Variants in SDK2 observed in about 807,000 individuals in gnomAD.
SDK2 encodes sidekick cell adhesion molecule 2.
SDK2 carries 105 observed loss-of-function variants against 253.9 expected under a neutral mutation model. The ratio of observed to expected loss-of-function variants is 0.41; its 90% CI spans 0.35 to 0.49. The LOEUF is 0.49. Ranked by LOEUF, SDK2 falls within the 20% of genes least tolerant of loss-of-function variation. The probability of loss-of-function intolerance (pLI) is 0.06; values close to 1 mark genes in which losing one functional copy is unlikely to be tolerated. For missense variants in SDK2, 2,608 were observed against 3,003.0 expected (o/e 0.87, Z 3.07); for synonymous variants, 1,249 against 1,234.9 (o/e 1.01, Z -0.24).
At chr17:73,412,013 G>C (rs1203479068) in intron 18 of SDK2, among the ~76,000 whole-genome samples, 2,703 of 86,992 alleles carry the variant, frequency 0.031, 193 homozygotes, top group African/African-American at 0.1. Flanking sequence ...TATATATGTA[G>C]ATATACGTAT....
At position 73,393,671 on chromosome 17, in the gene SDK2, G is replaced by C; in HGVS notation, c.3787C>G (p.Leu1263Val). Residue 1263 changes from leucine (L) to valine (V), a missense_variant, in exon 27 of 45, where the codon CTC (leucine) becomes GTC (valine). By Grantham distance (32) the Leu-to-Val change is conservative. Transcript: ENST00000392650. ...AGCACGTATTTGCCCAAGCCGGTGA[G>C]CTGGGCACTGCGAGACGAGTTGCCT... is the stretch of plus-strand genomic sequence containing the variant. Reference protein sequence around the residue: ...VEGNSSRSAQLTGLGKYVLYE... With the variant: ...VEGNSSRSAQVTGLGKYVLYE... The C allele has an allele frequency of 6.3e-7, 1 of 1,599,300 alleles. No individual in the cohort carries two copies. The highest frequency in any genetic ancestry group is 8.6e-7 in the Non-Finnish European group (1 of 1,168,862).
chr17:73,549,420 C>T (rs924755909), intron 1 of SDK2, among the ~76,000 whole-genome samples: 5 of 152,144 alleles, frequency 3.3e-5, no homozygotes, highest in East Asian at 1.9e-4. Flanking sequence ...TGATTTGATC[C>T]GTCATCCATT....
intron 15 of SDK2, among the ~76,000 whole-genome samples, chr17:73,419,731 A>G (rs1335652796): frequency 2.4e-4 from 4 of 16,712 alleles, no homozygotes; most frequent in Non-Finnish European, 9.3e-4. Context: ...AAAAAAACCC[A>G]AAAAAACTCC....
At chr17:73,575,826 G>A (rs1468243794) in intron 1 of SDK2, among the ~76,000 whole-genome samples, 3 of 152,326 alleles carry the variant, frequency 2.0e-5, no homozygotes, top group South Asian at 2.1e-4. Context: ...AGAGGAAGAC[G>A]AACAAAAGCT....
At position 73,380,965 on chromosome 17, in the gene SDK2, TGCCGGG is replaced by T; in HGVS notation, c.4706-21_4706-16del. ...GGAGTACATGGCTATGGGGTGGGGGTGCCGGGGCGGGGGCGCAGAGGGAGACAGCAG... is the reference window on the plus strand; with the variant it reads ...GGAGTACATGGCTATGGGGTGGGGGTGCGGGGGCGCAGAGGGAGACAGCAG... On this transcript the variant is annotated splice_polypyrimidine_tract_variant and intron_variant, in intron 33 of 44. Transcript: ENST00000392650. 3.2e-6 allele frequency: 2 copies of T among 623,456 alleles called. No individual in the cohort carries two copies. Among genetic ancestry groups the T allele is most frequent in the Non-Finnish European group, 5.7e-6 (2 of 353,034 alleles). The allele number at this position is 623,456 out of a possible 1,614,324, so 38.6% of individuals were successfully genotyped here. A position where few individuals can be genotyped will look rare whatever the true frequency, so the allele number is the denominator to read the frequency against.
At chr17:73,516,849 T>G (rs542861633) in intron 1 of SDK2, 48 of 152,358 alleles carry the variant, frequency 3.2e-4, no homozygotes, top group African/African-American at 1.0e-3. Context: ...GGATCATCAA[T>G]TTGTTTGAAT....
chr17:73,493,915 C>T (rs1404339967), intron 2 of SDK2, among the ~76,000 whole-genome samples: 1 of 152,176 alleles, frequency 6.6e-6, no homozygotes, highest in Non-Finnish European at 1.5e-5. Context: ...ACCTACAGCT[C>T]TCTGTGGGCT....
Position 73,467,117 on chromosome 17 carries a change from C to T in SDK2, c.331+4995G>A, listed in dbSNP as rs2063607124. Among the ~76,000 whole-genome samples the T allele has an allele frequency of 6.6e-6, 1 of 152,110 alleles. No homozygotes were observed. The highest frequency in any genetic ancestry group is 2.4e-5 in the African/African-American group (1 of 41,432). Reference sequence around the variant, plus strand: ...GAGTCTACCCCACCCCACCCGCTGGCACTAGACATTCACCCTAGGTGGGAG... The same window carrying T: ...GAGTCTACCCCACCCCACCCGCTGGTACTAGACATTCACCCTAGGTGGGAG... On this transcript the variant is annotated intron_variant, in intron 3 of 44. Transcript: ENST00000392650. The surrounding 1 kb of genome is among the most constrained non-coding windows in gnomAD (Gnocchi z 4.1).
intron 36 of SDK2, among the ~76,000 whole-genome samples, chr17:73,376,093 C>T (rs1476909530): frequency 2.7e-5 from 4 of 150,676 alleles, no homozygotes; most frequent in Non-Finnish European, 4.4e-5. Context: ...ACTTGGGAGG[C>T]GGAGGAAGGA....
chr17:73,570,765 AG>A lies in SDK2; in HGVS notation c.65-63169del, dbSNP rs1355330423. On this transcript the variant is annotated intron_variant, in intron 1 of 44. Transcript: ENST00000392650. This position sits in a 1 kb window ranked among gnomAD's most constrained non-coding sequence, Gnocchi z 4.2. ...AGTCTCTAACACCGGAGCCCTTTGG[AG>A]GGGCCCTCTTCTACCCATTCCTGTG... Among the ~76,000 whole-genome samples, 1 of 152,158 alleles carries A rather than the reference AG, an allele frequency of 6.6e-6. No homozygotes were observed. The highest frequency in any genetic ancestry group is 2.4e-5 in the African/African-American group (1 of 41,446).
In SDK2 at chr17:73,394,301, C is replaced by T. The variant is rs2062953046; in HGVS notation, c.3616G>A (p.Val1206Met). Reference sequence around the variant, plus strand: ...CTGGAGGTGGTGGCCAGTGCAGACACATTGGTGGGGCCGGAAGAGGGAACT... The same window carrying T: ...CTGGAGGTGGTGGCCAGTGCAGACATATTGGTGGGGCCGGAAGAGGGAACT... ...ESVPSSGPTN[V>M]SALATTSSSM... The change falls in exon 26 of 45, where the codon GTG becomes ATG. Residue 1206 changes from valine (V) to methionine (M), a missense_variant. Physicochemically the swap from Val to Met is conservative, Grantham distance 21. This residue lies in a region of SDK2 where 1,505 missense variants were observed against 1,859.1 expected (regional missense o/e 0.81). Transcript: ENST00000392650. The T allele has an allele frequency of 6.3e-7, 1 of 1,595,192 alleles. No homozygotes were observed. Among genetic ancestry groups the T allele is most frequent in the Non-Finnish European group, 8.6e-7 (1 of 1,168,378 alleles).
chr17:73,635,740 C>G (rs2046322216), intron 1 of SDK2, among the ~76,000 whole-genome samples: 1 of 151,668 alleles, frequency 6.6e-6, no homozygotes, highest in African/African-American at 2.4e-5. Flanking sequence ...ACCCTCACAC[C>G]TCATTCAATT....
At chr17:73,620,968 G>A (rs746742469) in intron 1 of SDK2, among the ~76,000 whole-genome samples, 4 of 152,260 alleles carry the variant, frequency 2.6e-5, no homozygotes, top group Non-Finnish European at 4.4e-5. Flanking sequence ...TGTACTCAAC[G>A]CTACTGAATT....
At chr17:73,505,724 GTCAATAGCTGGACCTCATCAGCA>G (rs1567811836) in intron 2 of SDK2, among the ~76,000 whole-genome samples, 14 of 134,898 alleles carry the variant, frequency 1.0e-4, no homozygotes, top group African/African-American at 3.7e-4. Context: ...CCTCATCATC[GTCAATAGCTGGACCTCATCAGCA>G]TCAATAGCTG....
chr17:73,529,256 G>A (rs2064150553), intron 1 of SDK2, among the ~76,000 whole-genome samples: 1 of 152,168 alleles, frequency 6.6e-6, no homozygotes, highest in Non-Finnish European at 1.5e-5. Context: ...AGCTGAGGGA[G>A]GACCAGGCTG....
intron 15 of SDK2, among the ~76,000 whole-genome samples, chr17:73,421,966 C>T (rs1299137289): frequency 1.5e-5 from 2 of 133,202 alleles, no homozygotes; most frequent in Non-Finnish European, 3.3e-5. Flanking sequence ...TGGAATTTTG[C>T]ATCCATTTAA....
chr17:73,541,695 G>A lies in SDK2; in HGVS notation c.65-34098C>T, dbSNP rs940063941. On this transcript the variant is annotated intron_variant, in intron 1 of 44. Transcript: ENST00000392650. The surrounding 1 kb of genome is among the most constrained non-coding windows in gnomAD (Gnocchi z 4.3). ...TTTGATATGAAAATGAGTTTGCCCA[G>A]AATGCACAGCGGCAGAAGGAAGGGG... 6.6e-6 allele frequency among the ~76,000 whole-genome samples: 1 copy of A among 152,196 alleles called. No homozygotes were observed. The highest frequency in any genetic ancestry group is 2.4e-5 in the African/African-American group (1 of 41,440).
Position 73,492,372 on chromosome 17 carries a change from C to T in SDK2, c.224+15066G>A, listed in dbSNP as rs1243436195. On this transcript the variant is annotated intron_variant, in intron 2 of 44. Coordinates refer to ENST00000392650, the MANE Select transcript of SDK2 (RefSeq NM_001144952.2). Reference sequence around the variant, plus strand: ...CTCCCAGGCCCATGGTGTTTGAGTGCCGCGGTGGCTGGAGCCTGTGGATGT... The same window carrying T: ...CTCCCAGGCCCATGGTGTTTGAGTGTCGCGGTGGCTGGAGCCTGTGGATGT... 2.0e-5 allele frequency among the ~76,000 whole-genome samples: 3 copies of T among 152,226 alleles called. No individual in the cohort carries two copies. The East Asian group carries it at 5.8e-4, about 29-fold the overall frequency.
At chr17:73,526,296 G>T (rs927991416) in intron 1 of SDK2, among the ~76,000 whole-genome samples, 1 of 152,198 alleles carries the variant, frequency 6.6e-6, no homozygotes, top group African/African-American at 2.4e-5. Context: ...CCAGCACAGG[G>T]GCCGCAAGAG....
Sources: gnomAD v4.1 joint callset for allele counts (sites outside exome capture counted in the v4.1 genomes callset) on GRCh38, gnomAD v4.1.1 for gene constraint, gnomAD v4.1.1 regional missense constraint, Gnocchi (gnomAD v3.1) non-coding constraint, MANE v1.5 for transcripts, NCBI Gene and HGNC (gene_info 2026-07-23, HGNC 2026-07-21) for gene names.